RHOBTB1: variants seen among roughly 807,000 people sequenced by gnomAD.
RHOBTB1 encodes rho-related BTB domain-containing protein 1.
Under a neutral mutation model 71.6 loss-of-function variants are expected in RHOBTB1, and 40 were observed. The ratio of observed to expected loss-of-function variants is 0.56; its 90% confidence interval spans 0.43 to 0.73. The LOEUF (loss-of-function observed/expected upper bound fraction) is 0.73, where lower values mean the gene tolerates loss of function less well. Among genes scored for constraint, RHOBTB1 ranks in the 30% least tolerant of loss-of-function variants. The pLI is 0.00. For missense variants in RHOBTB1, 797 were observed against 894.0 expected (o/e 0.89, Z 1.38); for synonymous variants, 319 against 334.9 (o/e 0.95, Z 0.52).
chr10:60,869,400 A>G (rs2080676831), downstream of RHOBTB1: 1 of 152,618 alleles, frequency 6.6e-6, no homozygotes, highest in South Asian at 2.1e-4. Context: ...AATCACACAC[A>G]CAATATGATG....
rs2080839274 is a variant in RHOBTB1, at chr10:60,872,429, A to G, written c.1816-139T>C. On this transcript the variant is annotated intron_variant, in intron 9 of 10. Transcript: ENST00000337910. The stretch of plus-strand genomic sequence containing the variant: ...CGGTAAACCTCTTGTTTTGACCTCA[A>G]TGTTTTGACTTTGGCCATGGCTCCA... 6.0e-6 allele frequency: 4 copies of G among 661,452 alleles called. No individual in the cohort carries two copies. The East Asian group carries it at 1.1e-4, about 18-fold the overall frequency. 41.0% of individuals were successfully genotyped at this position (661,452 alleles called of 1,614,324 possible). A position where few individuals can be genotyped will look rare whatever the true frequency, so the allele number is the denominator to read the frequency against.
chr10:60,957,360 G>A (rs2085629212), intron 2 of RHOBTB1, among the ~76,000 whole-genome samples: 1 of 152,214 alleles, frequency 6.6e-6, no homozygotes, highest in Non-Finnish European at 1.5e-5. Context: ...TGAGTAATGT[G>A]TGGTGTTCAG....
chr10:60,910,849 C>CA, intron 4 of RHOBTB1, 38 bp downstream of exon 4: 1 of 1,474,072 alleles, frequency 6.8e-7, no homozygotes, highest in Non-Finnish European at 9.5e-7. Flanking sequence ...AAGGAAATTG[C>CA]ATTCAAGCTC....
In RHOBTB1 at chr10:60,889,161, C is replaced by T. The variant is rs755796129; in HGVS notation, c.507G>A (p.Leu169=). The T allele has an allele frequency of 9.3e-6, 15 of 1,611,894 alleles. No individual in the cohort carries two copies. The change falls in exon 6 of 11, where the codon TTG becomes TTA. Residue 169 remains leucine, a synonymous_variant. Transcript: ENST00000337910. ...CTACCTCTCGGCCTTTTTCTGGGGG[C>T]AAAATATCCCCTCTCTTTATGGGCC... The part of the protein sequence containing the change: ...LARPIKRGDI[L]PPEKGREVAK...
chr10:60,906,909 C>G (rs76149888), intron 4 of RHOBTB1, among the ~76,000 whole-genome samples: 1 of 152,220 alleles, frequency 6.6e-6, no homozygotes, highest in Non-Finnish European at 1.5e-5. Flanking sequence ...TCGTAGCTCC[C>G]GTGATTCTCA....
At chr10:60,862,711 CTTCT>C in the RHOBTB1 span, among the ~76,000 whole-genome samples, 630 of 126,976 alleles carry the variant, frequency 5.0e-3, 6 homozygotes, top group African/African-American at 0.014. Context: ...TCTTTCTTTC[CTTCT>C]TTCTTTCTTT....
intron 2 of RHOBTB1, among the ~76,000 whole-genome samples, chr10:60,973,007 A>G (rs1291895335): frequency 6.6e-6 from 1 of 152,116 alleles, no homozygotes; most frequent in Non-Finnish European, 1.5e-5. Context: ...AACCGTGACT[A>G]TAGAAGTAAA....
At chr10:60,919,434 G>A (rs185312923) in intron 2 of RHOBTB1, among the ~76,000 whole-genome samples, 2 of 152,322 alleles carry the variant, frequency 1.3e-5, no homozygotes, top group Admixed American at 1.3e-4. Flanking sequence ...GCAGTTGTAG[G>A]TAGGTGGGAG....
chr10:60,949,956 A>G (rs760894031), intron 2 of RHOBTB1, among the ~76,000 whole-genome samples: 5 of 152,186 alleles, frequency 3.3e-5, no homozygotes, highest in Non-Finnish European at 7.3e-5. Flanking sequence ...AGGTTTACCT[A>G]AAGTCCTTTC....
chr10:60,908,345 A>G (rs2082787006), intron 4 of RHOBTB1, among the ~76,000 whole-genome samples: 1 of 152,238 alleles, frequency 6.6e-6, no homozygotes, highest in Non-Finnish European at 1.5e-5. Flanking sequence ...ATTATTTTAA[A>G]AAGGTTTCGA....
At position 60,888,968 on chromosome 10, in the gene RHOBTB1, G is replaced by T. The variant is rs752968691; in HGVS notation, c.700C>A (p.Leu234Ile). The T allele has an allele frequency of 6.2e-7, 1 of 1,614,168 alleles. No homozygotes were observed. Residue 234 changes from leucine to isoleucine, a missense_variant, in exon 6 of 11, where the codon CTA becomes ATA. Coordinates refer to ENST00000337910, the MANE Select transcript of RHOBTB1 (RefSeq NM_014836.5). ...VQKPLLQAPF[L>I]PPKAPPPVIK... ...ACCGGTGGAGGGGCTTTTGGAGGTA[G>T]GAAGGGTGCCTGAAGTAAAGGTTTC...
chr10:60,867,847 T>C (rs1301343878), downstream of RHOBTB1, among the ~76,000 whole-genome samples: 1 of 152,236 alleles, frequency 6.6e-6, no homozygotes, highest in Non-Finnish European at 1.5e-5. Flanking sequence ...TCTTCACTTC[T>C]AAGTCTAAAC....
chr10:60,893,333 G>T (rs961584391), intron 4 of RHOBTB1, among the ~76,000 whole-genome samples: 2 of 152,222 alleles, frequency 1.3e-5, no homozygotes, highest in Non-Finnish European at 2.9e-5. Context: ...TTCATCACAA[G>T]AAATAGTTTC....
At chr10:60,919,347 G>A (rs1346069982) in intron 2 of RHOBTB1, among the ~76,000 whole-genome samples, 1 of 152,130 alleles carries the variant, frequency 6.6e-6, no homozygotes, top group Non-Finnish European at 1.5e-5. Flanking sequence ...AAAGGAAAAT[G>A]TTAAAAGTTG....
intron 2 of RHOBTB1, among the ~76,000 whole-genome samples, chr10:60,980,878 C>A (rs897251311): frequency 6.6e-6 from 1 of 152,098 alleles, no homozygotes. Context: ...AATGCCCATT[C>A]AAAGAGCCAC....
At chr10:60,912,224 TAC>T (rs977480290) in intron 2 of RHOBTB1, among the ~76,000 whole-genome samples, 2 of 151,428 alleles carry the variant, frequency 1.3e-5, no homozygotes, top group African/African-American at 4.9e-5. Context: ...TGTATATATA[TAC>T]ACACACACAT....
chr10:60,900,191 G>A (rs570011098), intron 4 of RHOBTB1, among the ~76,000 whole-genome samples: 3 of 152,256 alleles, frequency 2.0e-5, no homozygotes, highest in South Asian at 2.1e-4. Context: ...CTAAATTGGT[G>A]GCAAGGTAAG....
intron 2 of RHOBTB1, among the ~76,000 whole-genome samples, chr10:60,923,477 T>C (rs1259934313): frequency 1.3e-5 from 2 of 152,188 alleles, no homozygotes; most frequent in Non-Finnish European, 2.9e-5. Context: ...TGTTGTAAAA[T>C]TAATTAGTGA....
At chr10:60,863,544 T>C in the RHOBTB1 span, among the ~76,000 whole-genome samples, 2 of 152,124 alleles carry the variant, frequency 1.3e-5, no homozygotes, top group Non-Finnish European at 2.9e-5. Context: ...CATCCCCTTT[T>C]TTTTTTGAGA....
Sources: allele counts gnomAD v4.1 joint callset (sites outside exome capture counted in the v4.1 genomes callset), GRCh38; gene constraint gnomAD v4.1.1; transcripts MANE v1.5; gene names NCBI Gene and HGNC (gene_info 2026-07-23, HGNC 2026-07-21).